The following NRXN1 variants were observed in gnomAD, a reference collection of about 807,000 sequenced individuals.
NRXN1 encodes the protein neurexin 1, also known as neurexin-1.
In NRXN1, 39 loss-of-function variants were observed where a neutral mutation model predicts 150.9. The ratio of observed to expected loss-of-function variants is 0.26; its 90% CI spans 0.20 to 0.34. The LOEUF (loss-of-function observed/expected upper bound fraction) is 0.34, where lower values mean the gene tolerates loss of function less well. NRXN1 is among the 10% of genes least tolerant of loss of function. The probability of loss-of-function intolerance (pLI) is 1.00; values close to 1 mark genes in which losing one functional copy is unlikely to be tolerated. For synonymous variants in NRXN1, 924 were observed against 757.0 expected (o/e 1.22, Z -3.62); for missense variants, 1,815 against 1,949.9 (o/e 0.93, Z 1.30).
intron 5 of NRXN1, among the ~76,000 whole-genome samples, chr2:50,802,500 TGGA>T (rs1707737852): frequency 5.7e-5 from 5 of 88,330 alleles, no homozygotes; most frequent in African/African-American, 2.1e-4. Flanking sequence ...GAAAGAGAAA[TGGA>T]AGGAAGGAAG....
intron 9 of NRXN1, among the ~76,000 whole-genome samples, chr2:50,552,004 A>G (rs1312148388): frequency 3.3e-5 from 5 of 152,180 alleles, no homozygotes; most frequent in African/African-American, 4.8e-5. Flanking sequence ...AAATGCAGCA[A>G]CAGGAAGCAG....
At chr2:50,221,991 T>C (rs1394493376) in intron 18 of NRXN1, among the ~76,000 whole-genome samples, 1 of 152,142 alleles carries the variant, frequency 6.6e-6, no homozygotes, top group Non-Finnish European at 1.5e-5. Flanking sequence ...TCACGTTCCA[T>C]GGTGTTCACG....
intron 17 of NRXN1, among the ~76,000 whole-genome samples, chr2:50,329,226 A>C (rs2076583849): frequency 6.6e-6 from 1 of 152,194 alleles, no homozygotes; most frequent in Non-Finnish European, 1.5e-5. Flanking sequence ...TGTGAATAAA[A>C]GGAACACATC....
chr2:50,021,625 G>A (rs1370186263), intron 21 of NRXN1, among the ~76,000 whole-genome samples: 2 of 152,134 alleles, frequency 1.3e-5, no homozygotes, highest in Non-Finnish European at 2.9e-5. Context: ...AGACAAGGAT[G>A]TTAGTTAAAG....
At chr2:50,289,613 C>T (rs1168316888) in intron 17 of NRXN1, among the ~76,000 whole-genome samples, 1 of 152,084 alleles carries the variant, frequency 6.6e-6, no homozygotes, top group Non-Finnish European at 1.5e-5. Flanking sequence ...TTCCTAAAGG[C>T]AATTTACTAT....
At chr2:50,422,053 C>T (rs909136889) in intron 17 of NRXN1, among the ~76,000 whole-genome samples, 1 of 152,120 alleles carries the variant, frequency 6.6e-6, no homozygotes, top group Non-Finnish European at 1.5e-5. Context: ...CTAACATTCT[C>T]AAAGGAGCTT....
chr2:50,662,158 A>T (rs1183461932), intron 5 of NRXN1, among the ~76,000 whole-genome samples: 1 of 152,064 alleles, frequency 6.6e-6, no homozygotes, highest in Non-Finnish European at 1.5e-5. Flanking sequence ...ATAATGTAGA[A>T]AAGTATATCA....
At chr2:50,828,792 C>T (rs1158686310) in intron 5 of NRXN1, among the ~76,000 whole-genome samples, 1 of 152,074 alleles carries the variant, frequency 6.6e-6, no homozygotes, top group African/African-American at 2.4e-5. Flanking sequence ...CGATAGGCGG[C>T]CAGGCAGAGA....
At chr2:50,981,843 A>ATG (rs1053795330) in intron 2 of NRXN1, among the ~76,000 whole-genome samples, 297 of 142,576 alleles carry the variant, frequency 2.1e-3, no homozygotes, top group South Asian at 4.0e-3. Flanking sequence ...GTGTGTGTGT[A>ATG]TGTGTGTGTG....
intron 5 of NRXN1, among the ~76,000 whole-genome samples, chr2:50,689,329 C>T (rs1182312360): frequency 6.6e-6 from 1 of 152,026 alleles, no homozygotes; most frequent in Non-Finnish European, 1.5e-5. Flanking sequence ...TCAAAGATTT[C>T]AACAATCAAA....
intron 18 of NRXN1, among the ~76,000 whole-genome samples, chr2:50,121,729 A>G (rs1703882158): frequency 6.6e-6 from 1 of 152,156 alleles, no homozygotes; most frequent in South Asian, 2.1e-4. Context: ...ATGGAAGAAA[A>G]CATCCTAGTA....
At chr2:49,989,630 C>T (rs966205224) in intron 21 of NRXN1, among the ~76,000 whole-genome samples, 3 of 152,080 alleles carry the variant, frequency 2.0e-5, no homozygotes, top group Non-Finnish European at 4.4e-5. Flanking sequence ...AGAATTCAGG[C>T]TTATTCGGTG....
At chr2:50,364,308 T>A (rs1246682308) in intron 17 of NRXN1, among the ~76,000 whole-genome samples, 1 of 152,016 alleles carries the variant, frequency 6.6e-6, no homozygotes, top group Non-Finnish European at 1.5e-5. Flanking sequence ...CAGGGGAAAA[T>A]CAACTGTAAA....
chr2:50,761,611 T>C (rs112594426), intron 5 of NRXN1, among the ~76,000 whole-genome samples: 11,884 of 151,940 alleles, frequency 0.078, 599 homozygotes, highest in Middle Eastern at 0.15. Context: ...CAATTTTTTG[T>C]GATGGTTAAT....
At chr2:50,319,140 T>C (rs971816098) in intron 17 of NRXN1, among the ~76,000 whole-genome samples, 1 of 152,152 alleles carries the variant, frequency 6.6e-6, no homozygotes, top group Non-Finnish European at 1.5e-5. Context: ...CTGAGTCATA[T>C]ATTTGCATAG....
chr2:51,011,282 G>C (rs147753685), intron 2 of NRXN1, among the ~76,000 whole-genome samples: 32 of 151,892 alleles, frequency 2.1e-4, no homozygotes, highest in Non-Finnish European at 4.3e-4. Flanking sequence ...ACCCACTAAC[G>C]TTTATTGAAC....
At chr2:50,418,392 C>A (rs866144634) in intron 17 of NRXN1, among the ~76,000 whole-genome samples, 1 of 152,008 alleles carries the variant, frequency 6.6e-6, no homozygotes, top group Non-Finnish European at 1.5e-5. Flanking sequence ...ACACACACAG[C>A]TGTTTTATTT....
chr2:50,056,440 T>C lies in NRXN1; in HGVS notation c.3719-1396A>G, dbSNP rs116060673. ...ACACATTAATATTTAATTTAAAATGTAAATATCAAAGTCAAGGCAAATATA... is the reference window on the plus strand; with the variant it reads ...ACACATTAATATTTAATTTAAAATGCAAATATCAAAGTCAAGGCAAATATA... On this transcript the variant is annotated intron_variant, in intron 19 of 22. Coordinates refer to ENST00000401669, the MANE Select transcript of NRXN1 (RefSeq NM_001330078.2). Among the ~76,000 whole-genome samples the C allele has an allele frequency of 2.4e-3, 368 of 152,266 alleles. 1 individual carries two copies. The highest frequency in any genetic ancestry group is 8.1e-3 in the African/African-American group (337 of 41,570).
chr2:50,496,678 G>T (rs1258516771), intron 14 of NRXN1, among the ~76,000 whole-genome samples: 2 of 152,148 alleles, frequency 1.3e-5, no homozygotes, highest in Non-Finnish European at 2.9e-5. Flanking sequence ...ATGTTGGTGT[G>T]TGTGGGTATG....
Sources: allele counts gnomAD v4.1 joint callset (sites outside exome capture counted in the v4.1 genomes callset), GRCh38; gene constraint gnomAD v4.1.1; transcripts MANE v1.5; gene names NCBI Gene and HGNC (gene_info 2026-07-23, HGNC 2026-07-21).